SLC23A2: variants seen among roughly 807,000 people sequenced by gnomAD.
SLC23A2 encodes solute carrier family 23 member 2.
A neutral mutation model predicts 73.3 loss-of-function variants in SLC23A2; 36 were observed. That is an observed-to-expected ratio of 0.49 (90% CI 0.38 to 0.65). SLC23A2 has a LOEUF of 0.65. Among genes scored for constraint, SLC23A2 ranks in the 30% least tolerant of loss-of-function variants. The pLI, the probability that SLC23A2 is intolerant of heterozygous loss-of-function variation, is 0.00. For synonymous variants in SLC23A2, 343 were observed against 327.3 expected (o/e 1.05, Z -0.52); for missense variants, 507 against 841.6 (o/e 0.60, Z 4.92).
At chr20:4,916,807 G>T (rs1932338765) in intron 3 of SLC23A2, among the ~76,000 whole-genome samples, 1 of 152,180 alleles carries the variant, frequency 6.6e-6, no homozygotes, top group South Asian at 2.1e-4. Flanking sequence ...AACTGCAAGA[G>T]ATATTCAACA....
Position 4,856,468 on chromosome 20 carries a change from C to G in SLC23A2, c.*504G>C, listed in dbSNP as rs954648991. On this transcript the variant is annotated 3_prime_UTR_variant, in exon 17 of 17. Coordinates refer to ENST00000338244, the MANE Select transcript of SLC23A2 (RefSeq NM_005116.6). The surrounding 1 kb of genome is among the most constrained non-coding windows in gnomAD (Gnocchi z 4.6). Reference sequence around the variant, plus strand: ...TCCTCCTCCGGGAGATCAGCGACAACAGAATCATACTGGGCCAGTCAGTCA... The same window carrying G: ...TCCTCCTCCGGGAGATCAGCGACAAGAGAATCATACTGGGCCAGTCAGTCA... 6.5e-6 allele frequency: 1 copy of G among 153,748 alleles called. No individual in the cohort carries two copies. The highest frequency in any genetic ancestry group is 1.9e-4 in the East Asian group (1 of 5,222). The allele number at this position is 153,748 out of a possible 1,614,324, so 9.5% of individuals were successfully genotyped here. A position where few individuals can be genotyped will look rare whatever the true frequency, so the allele number is the denominator to read the frequency against.
At chr20:4,865,212 T>C (rs748198246) in intron 13 of SLC23A2, among the ~76,000 whole-genome samples, 1 of 152,196 alleles carries the variant, frequency 6.6e-6, no homozygotes, top group African/African-American at 2.4e-5. Flanking sequence ...TTACAAAGTC[T>C]TCAACGGTGG....
Position 4,856,943 on chromosome 20 carries a change from T to C in SLC23A2, c.*29A>G, listed in dbSNP as rs963159500. 1.4e-6 allele frequency: 2 copies of C among 1,455,580 alleles called. No homozygotes were observed. The highest frequency in any genetic ancestry group is 2.3e-5 in the South Asian group (2 of 86,970). 90.2% of individuals were successfully genotyped at this position (1,455,580 alleles called of 1,614,324 possible). A position where few individuals can be genotyped will look rare whatever the true frequency, so the allele number is the denominator to read the frequency against. On this transcript the variant is annotated 3_prime_UTR_variant, in exon 17 of 17. Transcript: ENST00000338244. The surrounding 1 kb of genome is among the most constrained non-coding windows in gnomAD (Gnocchi z 4.6). The stretch of plus-strand genomic sequence containing the variant: ...AAGGAACTACAGATACATGCCTCAC[T>C]GCGGCCAGGCCACAGGGCACAGCAA...
intron 1 of SLC23A2, among the ~76,000 whole-genome samples, chr20:4,993,962 T>C (rs2423076): frequency 0.76 from 115,707 of 151,816 alleles, 44,359 homozygotes; most frequent in African/African-American, 0.85. Context: ...TAGTGGTACA[T>C]GCCTGTAGTC....
chr20:4,895,296 G>T (rs1931478663), intron 6 of SLC23A2, among the ~76,000 whole-genome samples: 1 of 152,194 alleles, frequency 6.6e-6, no homozygotes, highest in Non-Finnish European at 1.5e-5. Flanking sequence ...GCTGCTGGGA[G>T]TCAGGCCTGC....
At position 4,856,885 on chromosome 20, in the gene SLC23A2, T is replaced by A; in HGVS notation, c.*87A>T. The A allele has an allele frequency of 1.2e-6, 1 of 833,668 alleles. No individual in the cohort carries two copies. Among genetic ancestry groups the A allele is most frequent in the Non-Finnish European group, 2.0e-6 (1 of 506,968 alleles). The allele number at this position is 833,668 out of a possible 1,614,324, so 51.6% of individuals were successfully genotyped here. Reference sequence around the variant, plus strand: ...GGGGCGCAGAATGTAAATGTAGATATACAAACATGTATTTTACTTCTTGTT... The same window carrying A: ...GGGGCGCAGAATGTAAATGTAGATAAACAAACATGTATTTTACTTCTTGTT... On this transcript the variant is annotated 3_prime_UTR_variant, in exon 17 of 17. Coordinates refer to ENST00000338244, the MANE Select transcript of SLC23A2 (RefSeq NM_005116.6). The surrounding 1 kb of genome is among the most constrained non-coding windows in gnomAD (Gnocchi z 4.6).
intron 2 of SLC23A2, among the ~76,000 whole-genome samples, chr20:4,943,671 T>C (rs1360981911): frequency 1.4e-5 from 2 of 143,044 alleles, no homozygotes; most frequent in East Asian, 4.0e-4. Flanking sequence ...TCAGACTCTG[T>C]CTCAAAAAAA....
rs566190446 is a variant in SLC23A2 at position 4,908,757 on chromosome 20, G to A, written c.207+4123C>T. Among the ~76,000 whole-genome samples the A allele has an allele frequency of 8.5e-5, 13 of 152,220 alleles. No individual in the cohort carries two copies. In the South Asian group the frequency reaches 1.7e-3, roughly 19 times the overall value. ...AGCCTGGTCAACATGGCAAAACCCC[G>A]TCTCTACTAAAAATAGAAAAATTAG... is the stretch of plus-strand genomic sequence containing the variant. On this transcript the variant is annotated intron_variant, in intron 4 of 16. Coordinates refer to ENST00000338244, the MANE Select transcript of SLC23A2 (RefSeq NM_005116.6).
At chr20:4,994,516 G>A (rs763218673) in intron 1 of SLC23A2, among the ~76,000 whole-genome samples, 13 of 152,100 alleles carry the variant, frequency 8.5e-5, no homozygotes, top group Non-Finnish European at 1.3e-4. Flanking sequence ...CAGGTGCGGC[G>A]GCTCACACCT....
intron 11 of SLC23A2, among the ~76,000 whole-genome samples, chr20:4,870,317 G>A (rs762620611): frequency 3.9e-5 from 6 of 152,156 alleles, no homozygotes; most frequent in Admixed American, 6.5e-5. Flanking sequence ...GGTGGCTCAC[G>A]CCTGTAATCC....
rs747499978 is a variant in SLC23A2, at chr20:4,874,699, G to A, written c.825-3C>T. The A allele has an allele frequency of 6.3e-7, 1 of 1,585,612 alleles. No homozygotes were observed. Among genetic ancestry groups the A allele is most frequent in the Admixed American group, 1.8e-5 (1 of 54,406 alleles). ...ACAGTAATACTAGGAATATTGTCCT[G>A]AGGAGAGAAAGAAAACAAACTAGGT... On this transcript the variant is annotated splice_region_variant and splice_polypyrimidine_tract_variant and intron_variant, in intron 9 of 16. Transcript: ENST00000338244.
intron 2 of SLC23A2, among the ~76,000 whole-genome samples, chr20:4,952,632 C>A (rs1025703493): frequency 5.9e-5 from 9 of 152,168 alleles, no homozygotes; most frequent in African/African-American, 1.9e-4. Context: ...GATGCTAAAA[C>A]CATCAAGATA....
chr20:4,931,163 GA>G (rs1651859847), intron 3 of SLC23A2, among the ~76,000 whole-genome samples: 2 of 150,170 alleles, frequency 1.3e-5, no homozygotes, highest in African/African-American at 4.9e-5. Flanking sequence ...GCAACATAAG[GA>G]GACCCTGTCT....
At chr20:4,932,356 C>T (rs1017565997) in intron 3 of SLC23A2, 99 bp downstream of exon 3, 8 of 783,246 alleles carry the variant, frequency 1.0e-5, no homozygotes, top group Admixed American at 5.6e-5. Flanking sequence ...ATGCCTTAAC[C>T]TTCACTGAAA....
At chr20:4,869,040 A>T (rs992198203) in intron 12 of SLC23A2, 1 of 152,226 alleles carries the variant, frequency 6.6e-6, no homozygotes, top group African/African-American at 2.4e-5. Context: ...ACTACAGGGG[A>T]GAGCAAACGG....
intron 6 of SLC23A2, among the ~76,000 whole-genome samples, chr20:4,886,431 TGTAA>T (rs1213298465): frequency 1.3e-5 from 2 of 152,226 alleles, no homozygotes; most frequent in Non-Finnish European, 2.9e-5. Context: ...TCTACAGAGC[TGTAA>T]GTTACAACGT....
At chr20:4,943,005 A>G (rs950890783) in intron 2 of SLC23A2, among the ~76,000 whole-genome samples, 1 of 151,872 alleles carries the variant, frequency 6.6e-6, no homozygotes, top group Non-Finnish European at 1.5e-5. Flanking sequence ...CTTGAGGCCA[A>G]GAGTTCGAGA....
intron 2 of SLC23A2, among the ~76,000 whole-genome samples, chr20:4,964,196 C>T (rs6052994): frequency 0.4 from 60,692 of 151,450 alleles, 12,425 homozygotes; most frequent in Admixed American, 0.48. Context: ...GGTCTCCCCA[C>T]GTTGCCCTGG....
intron 2 of SLC23A2, among the ~76,000 whole-genome samples, chr20:4,959,470 T>A (rs1396195271): frequency 6.6e-6 from 1 of 152,190 alleles, no homozygotes; most frequent in African/African-American, 2.4e-5. Context: ...AACATGTACA[T>A]AAATGTTAAT....
Sources: gnomAD v4.1 joint callset for allele counts (sites outside exome capture counted in the v4.1 genomes callset) on GRCh38, gnomAD v4.1.1 for gene constraint, Gnocchi (gnomAD v3.1) non-coding constraint, MANE v1.5 for transcripts, NCBI Gene and HGNC (gene_info 2026-07-23, HGNC 2026-07-21) for gene names.